Variants in CTDP1 observed in about 807,000 individuals in gnomAD.
The protein encoded by CTDP1 is CTD phosphatase 1, also known as RNA polymerase II subunit A C-terminal domain phosphatase.
In CTDP1, 47 loss-of-function variants were observed where a neutral mutation model predicts 91.8. The ratio of observed to expected loss-of-function variants is 0.51; its 90% CI spans 0.41 to 0.65. The LOEUF (loss-of-function observed/expected upper bound fraction) is 0.65, where lower values mean the gene tolerates loss of function less well. Ranked by LOEUF, CTDP1 falls within the 30% of genes least tolerant of loss-of-function variation. The pLI is 0.00. For missense variants in CTDP1, 1,272 were observed against 1,373.7 expected (o/e 0.93, Z 1.17); for synonymous variants, 656 against 598.5 (o/e 1.10, Z -1.40).
chr18:79,714,824 C>G lies in CTDP1; in HGVS notation c.1364C>G (p.Ser455Cys), dbSNP rs1359265367. The G allele has an allele frequency of 6.2e-6, 10 of 1,601,674 alleles. No individual in the cohort carries two copies. The highest frequency in any genetic ancestry group is 7.7e-6 in the Non-Finnish European group (9 of 1,175,406). The change falls in exon 8 of 13, where the codon TCC (serine) becomes TGC (cysteine). Residue 455 changes from serine to cysteine, a missense_variant. Ser to Cys is a moderately radical substitution (Grantham distance 112). Around this residue, in one of 3 missense-constraint regions of CTDP1, gnomAD observed 881 missense variants for 911.6 expected, o/e 0.97. Coordinates refer to ENST00000613122, the MANE Select transcript of CTDP1 (RefSeq NM_004715.5). Reference sequence around the variant, plus strand: ...GGCACTGACCTGGACTTTGACTTATCCAGCGACAGCGAGAGCAGCAGTGAG... The same window carrying G: ...GGCACTGACCTGGACTTTGACTTATGCAGCGACAGCGAGAGCAGCAGTGAG... ...ATGTDLDFDL[S>C]SDSESSSESE...
At chr18:79,735,075 A>G (rs1355456659) in intron 11 of CTDP1, among the ~76,000 whole-genome samples, 1 of 152,018 alleles carries the variant, frequency 6.6e-6, no homozygotes, top group Non-Finnish European at 1.5e-5. Context: ...GTCGGCCTCC[A>G]TGTGGGCTCG....
In CTDP1 at chr18:79,680,002, G is replaced by A; in HGVS notation, c.55G>A (p.Val19Met). Residue 19 changes from valine to methionine, a missense_variant, in exon 1 of 13, where the codon GTG becomes ATG. By Grantham distance (21) the Val-to-Met change is conservative. This residue lies in a region of CTDP1 where 214 missense variants were observed against 179.1 expected (regional missense o/e 1.19). Transcript: ENST00000613122. ...VPAEGAPTAA[V>M]AEVRCPGPAP... Reference sequence around the variant, plus strand: ...TGCCGAGGGCGCCCCGACGGCGGCTGTGGCCGAGGTGCGCTGCCCGGGGCC... The same window carrying A: ...TGCCGAGGGCGCCCCGACGGCGGCTATGGCCGAGGTGCGCTGCCCGGGGCC... 1 of 1,318,588 alleles carries A rather than the reference G, an allele frequency of 7.6e-7. No individual in the cohort carries two copies. Among genetic ancestry groups the A allele is most frequent in the South Asian group, 1.9e-5 (1 of 53,294 alleles). 81.7% of individuals were successfully genotyped at this position (1,318,588 alleles called of 1,614,324 possible).
rs780015113 is a variant in CTDP1 at position 79,736,432 on chromosome 18, C to A, written c.2658C>A (p.Pro886=). 3 of 1,549,398 alleles carry A rather than the reference C, an allele frequency of 1.9e-6. No individual in the cohort carries two copies. Among genetic ancestry groups the A allele is most frequent in the Non-Finnish European group, 2.6e-6 (3 of 1,146,976 alleles). ...GGCCTGAGGAGCAGGAGGAGGAGCC[C>A]CAGCCCCGGAAGCCAGGGACCCGCA... ...KRRPEEQEEE[P]QPRKPGTRRE... The change falls in exon 12 of 13, where the codon CCC becomes CCA. Residue 886 remains proline (P), a synonymous_variant. Coordinates refer to ENST00000613122, the MANE Select transcript of CTDP1 (RefSeq NM_004715.5).
chr18:79,715,493 C>T lies in CTDP1; in HGVS notation c.2033C>T (p.Pro678Leu). 2.5e-6 allele frequency: 4 copies of T among 1,573,832 alleles called. No homozygotes were observed. Among genetic ancestry groups the T allele is most frequent in the South Asian group, 1.2e-5 (1 of 86,058 alleles). ...LTRLVLSPDA[P>L]DRATHLIAAR... ...CGGCTGGTGCTGAGCCCCGACGCCC[C>T]TGACAGGGCCACGCACCTGATCGCC... Residue 678 changes from proline to leucine, a missense_variant, in exon 8 of 13, where the codon CCT becomes CTT. Pro to Leu is a moderately conservative substitution (Grantham distance 98). This residue lies in a region of CTDP1 where 881 missense variants were observed against 911.6 expected (regional missense o/e 0.97). Coordinates refer to ENST00000613122, the MANE Select transcript of CTDP1 (RefSeq NM_004715.5).
intron 12 of CTDP1, among the ~76,000 whole-genome samples, chr18:79,742,645 A>G (rs963876932): frequency 3.9e-5 from 6 of 152,380 alleles, no homozygotes; most frequent in South Asian, 2.1e-4. Flanking sequence ...AAAGCAGTAT[A>G]GTTTTATAGT....
In CTDP1 at chr18:79,746,937, G is replaced by A. The variant is rs140374566; in HGVS notation, c.2748-6715G>A. Among the ~76,000 whole-genome samples, 405 of 152,256 alleles carry A rather than the reference G, an allele frequency of 2.7e-3. 1 individual carries two copies. The highest frequency in any genetic ancestry group is 9.4e-3 in the African/African-American group (392 of 41,534). ...GAACACCGTGCCCACTGTGCCTACCGTGCCTAGGGGTGTTAAAGTGGTCCT... is the reference window on the plus strand; with the variant it reads ...GAACACCGTGCCCACTGTGCCTACCATGCCTAGGGGTGTTAAAGTGGTCCT... On this transcript the variant is annotated intron_variant, in intron 12 of 12. Transcript: ENST00000613122.
At chr18:79,695,890 C>G (rs923563182) in intron 2 of CTDP1, 87 bp from the exon 3 acceptor site, 2 of 1,057,882 alleles carry the variant, frequency 1.9e-6, no homozygotes, top group East Asian at 2.4e-5. Context: ...GTTAAAACAT[C>G]AGCTAGAATC....
chr18:79,732,850 G>A (rs930334358), intron 11 of CTDP1, among the ~76,000 whole-genome samples: 2 of 151,612 alleles, frequency 1.3e-5, no homozygotes, highest in African/African-American at 4.8e-5. Context: ...GTCACCAGGA[G>A]CGCTCCCAAA....
chr18:79,721,786 A>G (rs1487646233), intron 10 of CTDP1, among the ~76,000 whole-genome samples: 1 of 152,024 alleles, frequency 6.6e-6, no homozygotes, highest in African/African-American at 2.4e-5. Flanking sequence ...TTAAAATAAA[A>G]TCACAAACCT....
intron 11 of CTDP1, among the ~76,000 whole-genome samples, chr18:79,735,375 C>T (rs2122776450): frequency 6.6e-6 from 1 of 152,358 alleles, no homozygotes; most frequent in East Asian, 1.9e-4. Flanking sequence ...CGGGGCTGTG[C>T]CGTCGCACAC....
At chr18:79,689,084 C>T (rs1262007419) in intron 1 of CTDP1, among the ~76,000 whole-genome samples, 4 of 152,248 alleles carry the variant, frequency 2.6e-5, no homozygotes, top group African/African-American at 4.8e-5. Context: ...ACTAATAGTC[C>T]TAATAAAGTC....
At chr18:79,750,653 C>T (rs1354425216) in intron 12 of CTDP1, among the ~76,000 whole-genome samples, 2 of 149,322 alleles carry the variant, frequency 1.3e-5, no homozygotes, top group African/African-American at 2.5e-5. Flanking sequence ...ACCACCACAC[C>T]TGGCTAATTT....
intron 4 of CTDP1, among the ~76,000 whole-genome samples, chr18:79,704,170 T>A (rs3786228): frequency 6.6e-6 from 1 of 152,108 alleles, no homozygotes; most frequent in Non-Finnish European, 1.5e-5. Flanking sequence ...ACCGCGTGCA[T>A]GGAAACTACT....
At chr18:79,737,423 AG>A (rs965347461) in intron 12 of CTDP1, among the ~76,000 whole-genome samples, 8 of 152,080 alleles carry the variant, frequency 5.3e-5, no homozygotes, top group Non-Finnish European at 1.0e-4. Context: ...TTTTTTAGTA[AG>A]GGGGGGATTT....
At chr18:79,699,107 C>T (rs1306957268) in intron 4 of CTDP1, among the ~76,000 whole-genome samples, 1 of 152,166 alleles carries the variant, frequency 6.6e-6, no homozygotes, top group Non-Finnish European at 1.5e-5. Context: ...GAATTCAGGT[C>T]TAACCCACAA....
chr18:79,732,599 C>T (rs549063476), intron 11 of CTDP1, among the ~76,000 whole-genome samples: 5 of 147,380 alleles, frequency 3.4e-5, no homozygotes, highest in African/African-American at 1.0e-4. Flanking sequence ...CCCAAAATCA[C>T]GTGAGACATG....
At chr18:79,719,121 C>T (rs568244060) in intron 10 of CTDP1, among the ~76,000 whole-genome samples, 79 of 152,350 alleles carry the variant, frequency 5.2e-4, no homozygotes, top group Admixed American at 1.1e-3. Context: ...GCGGCAAAGC[C>T]CAGCCGGCTT....
At chr18:79,742,927 G>A (rs935892779) in intron 12 of CTDP1, among the ~76,000 whole-genome samples, 3 of 152,186 alleles carry the variant, frequency 2.0e-5, no homozygotes, top group African/African-American at 4.8e-5. Context: ...CTGCACTCCC[G>A]CCTGGGCCAC....
chr18:79,714,958 G>A lies in CTDP1; in HGVS notation c.1498G>A (p.Gly500Ser). The A allele has an allele frequency of 6.4e-7, 1 of 1,566,462 alleles. No individual in the cohort carries two copies. Among genetic ancestry groups the A allele is most frequent in the South Asian group, 1.2e-5 (1 of 85,752 alleles). ...APEGAGALAQ[G>S]SSLEPGRPAA... ...AGAGGGAGCCGGGGCGCTGGCACAGGGCAGTTCCCTGGAGCCGGGGCGGCC... is the reference window on the plus strand; with the variant it reads ...AGAGGGAGCCGGGGCGCTGGCACAGAGCAGTTCCCTGGAGCCGGGGCGGCC... The change falls in exon 8 of 13, where the codon GGC becomes AGC. Residue 500 changes from glycine (G) to serine (S), a missense_variant. Gly to Ser is a moderately conservative substitution (Grantham distance 56). This residue lies in a region of CTDP1 where 881 missense variants were observed against 911.6 expected (regional missense o/e 0.97). Transcript: ENST00000613122.
Sources: allele counts gnomAD v4.1 joint callset (sites outside exome capture counted in the v4.1 genomes callset), GRCh38; gene constraint gnomAD v4.1.1; regional missense constraint gnomAD v4.1.1; transcripts MANE v1.5; gene names NCBI Gene and HGNC (gene_info 2026-07-23, HGNC 2026-07-21).